VASP: variants seen among roughly 807,000 people sequenced by gnomAD.
The protein encoded by VASP is vasodilator stimulated phosphoprotein.
Under a neutral mutation model 54.4 loss-of-function variants are expected in VASP, and 27 were observed. That is an observed-to-expected ratio of 0.50 (90% CI 0.37 to 0.68). The LOEUF (loss-of-function observed/expected upper bound fraction) is 0.68, where lower values mean the gene tolerates loss of function less well. VASP is among the 30% of genes least tolerant of loss of function. The pLI, the probability that VASP is intolerant of heterozygous loss-of-function variation, is 0.00. For missense variants in VASP, 488 were observed against 528.3 expected (o/e 0.92, Z 0.75); for synonymous variants, 233 against 209.8 (o/e 1.11, Z -0.96).
chr19:45,512,650 G>A (rs1189718395), intron 1 of VASP, among the ~76,000 whole-genome samples: 5 of 149,652 alleles, frequency 3.3e-5, no homozygotes, highest in African/African-American at 7.4e-5. Flanking sequence ...CCCAGGCTGG[G>A]GTGCAGTGGC....
At chr19:45,513,242 T>TTGTGAGGGAGTCTTGCTC (rs112590592) in intron 1 of VASP, among the ~76,000 whole-genome samples, 2 of 151,568 alleles carry the variant, frequency 1.3e-5, no homozygotes, top group African/African-American at 4.9e-5. Flanking sequence ...TTGCCTTTTT[T>TTGTGAGGGAGTCTTGCTC]TGTGAGGGAG....
chr19:45,521,464 G>GAA (rs1416215619), intron 4 of VASP, 58 bp downstream of exon 4: 157 of 1,421,876 alleles, frequency 1.1e-4, no homozygotes, highest in Admixed American at 3.3e-4. Flanking sequence ...ATATGTTCTG[G>GAA]AACCCTTGAC....
chr19:45,512,874 C>G (rs943519106), intron 1 of VASP, among the ~76,000 whole-genome samples: 1 of 152,238 alleles, frequency 6.6e-6, no homozygotes, highest in Non-Finnish European at 1.5e-5. Flanking sequence ...GCTGGGATTA[C>G]AGGCATGAGC....
In VASP at chr19:45,523,190, A is replaced by ATTTTTTTTTT. The variant is rs61288703; in HGVS notation, c.821+393_821+402dup. Among the ~76,000 whole-genome samples the ATTTTTTTTTT allele has an allele frequency of 2.7e-4, 20 of 74,730 alleles. 2 individuals are homozygous for ATTTTTTTTTT. In the East Asian group the frequency reaches 2.7e-3, roughly 10 times the overall value. The allele number at this position is 74,730 out of a possible 152,430, so 49.0% of individuals were successfully genotyped here. A position where few individuals can be genotyped will look rare whatever the true frequency, so the allele number is the denominator to read the frequency against. ...TGATTCTAGAACCACAATCTCTTGA[A>ATTTTTTTTTT]TTTTTTTTTTTTTTTTTTTTTTTTT... On this transcript the variant is annotated intron_variant, in intron 7 of 12. Transcript: ENST00000245932.
chr19:45,525,519 C>T (rs766497531), intron 11 of VASP, among the ~76,000 whole-genome samples: 3 of 152,160 alleles, frequency 2.0e-5, no homozygotes, highest in South Asian at 4.1e-4. Flanking sequence ...GCCAACATGG[C>T]GAAACCCTGT....
chr19:45,509,371 C>T (rs902976872), intron 1 of VASP, among the ~76,000 whole-genome samples: 1 of 148,716 alleles, frequency 6.7e-6, no homozygotes, highest in Non-Finnish European at 1.5e-5. Context: ...TCTCCCCTTG[C>T]CCCCCAGCCC....
intron 1 of VASP, among the ~76,000 whole-genome samples, chr19:45,516,340 C>T (rs537282912): frequency 6.3e-4 from 96 of 152,332 alleles, no homozygotes; most frequent in African/African-American, 2.1e-3. Flanking sequence ...GGGAGCCAGG[C>T]GAGGGGTGGG....
intron 3 of VASP, among the ~76,000 whole-genome samples, chr19:45,519,446 C>G (rs1968777546): frequency 6.6e-6 from 1 of 151,434 alleles, no homozygotes; most frequent in African/African-American, 2.4e-5. Context: ...GTCTGGCCAC[C>G]TGGATCATTT....
At chr19:45,515,596 G>A (rs1240438123) in intron 1 of VASP, among the ~76,000 whole-genome samples, 1 of 152,070 alleles carries the variant, frequency 6.6e-6, no homozygotes, top group African/African-American at 2.4e-5. Flanking sequence ...GAGTGCAATG[G>A]CGTGATCTCA....
intron 11 of VASP, among the ~76,000 whole-genome samples, chr19:45,525,283 G>A (rs957574749): frequency 7.2e-5 from 11 of 152,124 alleles, no homozygotes; most frequent in African/African-American, 2.4e-4. Context: ...ACCTGAGAAG[G>A]CCAGGTGCGG....
intron 10 of VASP, 195 bp downstream of exon 10, chr19:45,524,337 G>A: frequency 1.4e-6 from 1 of 712,998 alleles, no homozygotes; most frequent in Non-Finnish European, 2.4e-6. Context: ...AGGAAGTTGA[G>A]GCCTCAGCGA....
At position 45,522,725 on chromosome 19, in the gene VASP, A is replaced by G; in HGVS notation, c.728A>G (p.Glu243Gly). 1 of 1,603,792 alleles carries G rather than the reference A, an allele frequency of 6.2e-7. No homozygotes were observed. Among genetic ancestry groups the G allele is most frequent in the Non-Finnish European group, 8.5e-7 (1 of 1,177,476 alleles). The change falls in exon 7 of 13, where the codon GAG becomes GGG. Residue 243 changes from glutamate (E) to glycine (G), a missense_variant. Transcript: ENST00000245932. ...AKLRKVSKQEEASGGPTAPKA... is the reference protein window; with the variant it reads ...AKLRKVSKQEGASGGPTAPKA... ...CCTTTTAAATTTCTCCAGCAGGAGG[A>G]GGCCTCAGGGGGGCCCACAGCCCCC...
chr19:45,517,637 C>T, intron 1 of VASP, 26 bp from the exon 2 acceptor site: 1 of 1,598,740 alleles, frequency 6.3e-7, no homozygotes, highest in South Asian at 1.1e-5. Flanking sequence ...GTGACCGGCC[C>T]CTCTCCCTTT....
chr19:45,507,896 G>A lies in VASP; in HGVS notation c.5+120G>A. ...TTGGGGACAGATCCTTGGGAGCCTCGGATTTGAGCTGAATCCCCTTGGACG... is the reference window on the plus strand; with the variant it reads ...TTGGGGACAGATCCTTGGGAGCCTCAGATTTGAGCTGAATCCCCTTGGACG... On this transcript the variant is annotated intron_variant, in intron 1 of 12. Coordinates refer to ENST00000245932, the MANE Select transcript of VASP (RefSeq NM_003370.4). The surrounding 1 kb of genome is among the most constrained non-coding windows in gnomAD (Gnocchi z 4.4). 1 of 598,020 alleles carries A rather than the reference G, an allele frequency of 1.7e-6. No individual in the cohort carries two copies. The highest frequency in any genetic ancestry group is 2.7e-6 in the Non-Finnish European group (1 of 376,490). The allele number at this position is 598,020 out of a possible 1,614,324, so 37.0% of individuals were successfully genotyped here.
chr19:45,518,887 A>G (rs1968765204), intron 3 of VASP, among the ~76,000 whole-genome samples: 2 of 152,204 alleles, frequency 1.3e-5, no homozygotes. Flanking sequence ...GCTGGAGTGC[A>G]GTGGTGCAAC....
At chr19:45,523,489 G>A (rs548144585) in intron 7 of VASP, among the ~76,000 whole-genome samples, 155 bp from the exon 8 acceptor site, 24 of 152,038 alleles carry the variant, frequency 1.6e-4, no homozygotes, top group African/African-American at 2.9e-4. Flanking sequence ...AGGCCACTGC[G>A]CCCAGCACAA....
intron 11 of VASP, 156 bp from the exon 12 acceptor site, chr19:45,525,790 G>A: frequency 3.0e-6 from 2 of 662,752 alleles, no homozygotes; most frequent in Non-Finnish European, 5.1e-6. Context: ...GATTACCTGA[G>A]CCTGGGAAGT....
At chr19:45,520,146 C>G (rs1395400920) in intron 3 of VASP, among the ~76,000 whole-genome samples, 4 of 152,292 alleles carry the variant, frequency 2.6e-5, no homozygotes, top group Middle Eastern at 6.8e-3. Context: ...AGGTGATCCA[C>G]TCGCCTCGGC....
intron 11 of VASP, 44 bp from the exon 12 acceptor site, chr19:45,525,902 G>A (rs1232168570): frequency 6.3e-7 from 1 of 1,576,154 alleles, no homozygotes; most frequent in African/African-American, 1.4e-5. Context: ...ATTCCTGCAA[G>A]TCCCGGTACC....
Sources: allele counts gnomAD v4.1 joint callset (sites outside exome capture counted in the v4.1 genomes callset), GRCh38; gene constraint gnomAD v4.1.1; non-coding constraint Gnocchi (gnomAD v3.1); transcripts MANE v1.5; gene names NCBI Gene and HGNC (gene_info 2026-07-23, HGNC 2026-07-21).